FGFR2: variants seen among roughly 807,000 people sequenced by gnomAD.
FGFR2 encodes fibroblast growth factor receptor 2, also known as BEK fibroblast growth factor receptor.
A neutral mutation model predicts 95.9 loss-of-function variants in FGFR2; 19 were observed. The observed-to-expected ratio is 0.20, with a 90% confidence interval of 0.14 to 0.29. The LOEUF (loss-of-function observed/expected upper bound fraction) is 0.29, where lower values mean the gene tolerates loss of function less well. Among genes scored for constraint, FGFR2 ranks in the 10% least tolerant of loss-of-function variants. The pLI is 1.00. For missense variants in FGFR2, 707 were observed against 1,056.9 expected (o/e 0.67, Z 4.59); for synonymous variants, 392 against 393.3 (o/e 1.00, Z 0.04).
At chr10:121,495,981 G>A (rs1421652029) in intron 13 of FGFR2, among the ~76,000 whole-genome samples, 1 of 152,200 alleles carries the variant, frequency 6.6e-6, no homozygotes, top group East Asian at 1.9e-4. Flanking sequence ...GTCCACCTCA[G>A]GGGACCTGGC....
chr10:121,594,634 G>GA (rs1219749821), intron 1 of FGFR2, among the ~76,000 whole-genome samples: 1 of 152,220 alleles, frequency 6.6e-6, no homozygotes. Flanking sequence ...TACGAAGAGT[G>GA]AACACAACTG....
chr10:121,498,647 T>C (rs1447880264), intron 11 of FGFR2, 42 bp from the exon 12 acceptor site: 4 of 1,528,646 alleles, frequency 2.6e-6, no homozygotes. Flanking sequence ...TCATTTCCTC[T>C]AACTCATGGG....
intron 2 of FGFR2, among the ~76,000 whole-genome samples, chr10:121,568,316 A>G (rs1858013011): frequency 6.6e-6 from 1 of 152,190 alleles, no homozygotes. Flanking sequence ...CCAACAACTC[A>G]TTGCTGAAAC....
At chr10:121,509,482 CTTTTTTTTTTTTTTTTTTTT>C (rs67778522) in intron 9 of FGFR2, among the ~76,000 whole-genome samples, 1 of 45,352 alleles carries the variant, frequency 2.2e-5, no homozygotes, top group African/African-American at 8.7e-5. Flanking sequence ...TGTTTCTTTT[CTTTTTTTTTTTTTTTTTTTT>C]TTTTTTTGGT....
chr10:121,478,379 T>C lies in FGFR2; in HGVS notation c.*1478A>G, dbSNP rs566742541. ...ATTTATTTTGTCTTGTTAACATTAA[T>C]ATCTGTAGAAACATTTTTATTGTCA... On this transcript the variant is annotated 3_prime_UTR_variant, in exon 18 of 18. Coordinates refer to ENST00000358487, the MANE Select transcript of FGFR2 (RefSeq NM_000141.5). 34 of 232,726 alleles carry C rather than the reference T, an allele frequency of 1.5e-4. 1 individual carries two copies. The highest frequency in any genetic ancestry group is 2.6e-3 in the Middle Eastern group (2 of 776). 14.4% of individuals were successfully genotyped at this position (232,726 alleles called of 1,614,324 possible). A position where few individuals can be genotyped will look rare whatever the true frequency, so the allele number is the denominator to read the frequency against.
intron 2 of FGFR2, among the ~76,000 whole-genome samples, chr10:121,569,898 G>C (rs1221367063): frequency 6.6e-6 from 1 of 152,198 alleles, no homozygotes; most frequent in Non-Finnish European, 1.5e-5. Flanking sequence ...TATCCCAGAA[G>C]ACTCTGCAAG....
At chr10:121,542,339 C>G (rs895947555) in intron 5 of FGFR2, among the ~76,000 whole-genome samples, 2 of 152,146 alleles carry the variant, frequency 1.3e-5, no homozygotes, top group Admixed American at 6.5e-5. Context: ...GTATTGCCTA[C>G]TTTTTTCTTA....
At position 121,518,716 on chromosome 10, in the gene FGFR2, C is replaced by T. The variant is rs1047076; in HGVS notation, c.940-1253G>A. ...TTGGCAGGACAGTGAGCCAGGCAGA[C>T]TGGTTGGCCTGCCCTATATAATTGG... On this transcript the variant is annotated intron_variant, in intron 7 of 17. Transcript: ENST00000358487. The surrounding 1 kb of genome is among the most constrained non-coding windows in gnomAD (Gnocchi z 4.0). The T allele has an allele frequency of 1.2e-6, 2 of 1,614,198 alleles. No individual in the cohort carries two copies. The highest frequency in any genetic ancestry group is 1.7e-6 in the Non-Finnish European group (2 of 1,180,032).
At position 121,583,656 on chromosome 10, in the gene FGFR2, T is replaced by C. The variant is rs190841335; in HGVS notation, c.109+10053A>G. On this transcript the variant is annotated intron_variant, in intron 2 of 17. Coordinates refer to ENST00000358487, the MANE Select transcript of FGFR2 (RefSeq NM_000141.5). Reference sequence around the variant, plus strand: ...CAAATGTCTTTAGGAGAATTCGGTATGGATGTGTGAGAAAGAAACAGAATC... The same window carrying C: ...CAAATGTCTTTAGGAGAATTCGGTACGGATGTGTGAGAAAGAAACAGAATC... 5.2e-5 allele frequency: 8 copies of C among 153,692 alleles called. No homozygotes were observed. In the East Asian group the frequency reaches 1.5e-3, roughly 30 times the overall value. The allele number at this position is 153,692 out of a possible 1,614,324, so 9.5% of individuals were successfully genotyped here. A position where few individuals can be genotyped will look rare whatever the true frequency, so the allele number is the denominator to read the frequency against.
intron 10 of FGFR2, 136 bp from the exon 11 acceptor site, chr10:121,501,083 T>G: frequency 8.1e-7 from 1 of 1,236,148 alleles, no homozygotes; most frequent in East Asian, 2.4e-5. Flanking sequence ...CTAATGAGAC[T>G]TAGGGTACAC....
chr10:121,534,255 C>A (rs1054550657), intron 6 of FGFR2, among the ~76,000 whole-genome samples: 1 of 151,502 alleles, frequency 6.6e-6, no homozygotes, highest in African/African-American at 2.4e-5. Context: ...CCTGCCACCA[C>A]CCCTGGGTAA....
chr10:121,589,469 A>G (rs958853288), intron 2 of FGFR2, among the ~76,000 whole-genome samples: 1 of 152,238 alleles, frequency 6.6e-6, no homozygotes, highest in Admixed American at 6.5e-5. Flanking sequence ...CAACTGGGTC[A>G]GAAAGACTTG....
intron 6 of FGFR2, among the ~76,000 whole-genome samples, chr10:121,527,160 A>C (rs906324895): frequency 5.3e-5 from 8 of 152,180 alleles, no homozygotes; most frequent in Non-Finnish European, 1.2e-4. Flanking sequence ...GAGGCAAAGT[A>C]CCTTCCCTAA....
chr10:121,522,159 C>A (rs1266822996), intron 6 of FGFR2, among the ~76,000 whole-genome samples: 1 of 152,184 alleles, frequency 6.6e-6, no homozygotes, highest in African/African-American at 2.4e-5. Context: ...GAGTTGCAAT[C>A]AAGAGGCATA....
At chr10:121,527,967 T>TGGGTTTC (rs2134434763) in intron 6 of FGFR2, 1 of 152,364 alleles carries the variant, frequency 6.6e-6, no homozygotes, top group Non-Finnish European at 1.5e-5. Flanking sequence ...TCTGCATAGC[T>TGGGTTTC]GGGTTTCCTT....
chr10:121,532,139 A>C (rs1852160816), intron 6 of FGFR2, among the ~76,000 whole-genome samples: 1 of 152,214 alleles, frequency 6.6e-6, no homozygotes, highest in East Asian at 1.9e-4. Flanking sequence ...CTGGCAGCAA[A>C]GTCAGGAGTA....
intron 6 of FGFR2, among the ~76,000 whole-genome samples, chr10:121,520,414 C>T (rs187721306): frequency 2.0e-5 from 3 of 152,300 alleles, no homozygotes; most frequent in Admixed American, 1.3e-4. Context: ...CTTATTACAT[C>T]CCAGGTTATT....
chr10:121,595,805 C>T (rs1426614093), intron 1 of FGFR2, among the ~76,000 whole-genome samples: 1 of 152,198 alleles, frequency 6.6e-6, no homozygotes, highest in African/African-American at 2.4e-5. Flanking sequence ...TGGCTCCAGG[C>T]AGAGAAAGGT....
At chr10:121,501,822 G>A (rs1049480450) in intron 10 of FGFR2, among the ~76,000 whole-genome samples, 8 of 152,162 alleles carry the variant, frequency 5.3e-5, no homozygotes, top group Non-Finnish European at 1.0e-4. Context: ...TACCCAGAAC[G>A]AAAATTAAAT....
Sources: gnomAD v4.1 joint callset for allele counts (sites outside exome capture counted in the v4.1 genomes callset) on GRCh38, gnomAD v4.1.1 for gene constraint, Gnocchi (gnomAD v3.1) non-coding constraint, MANE v1.5 for transcripts, NCBI Gene and HGNC (gene_info 2026-07-23, HGNC 2026-07-21) for gene names.